ADAMTSL1: variants seen among roughly 807,000 people sequenced by gnomAD.
The protein encoded by ADAMTSL1 is ADAMTS-like protein 1.
In ADAMTSL1, 126 loss-of-function variants were observed where a neutral mutation model predicts 201.8. That is an observed-to-expected ratio of 0.62 (90% CI 0.54 to 0.72). The LOEUF is 0.72. Ranked by LOEUF, ADAMTSL1 falls within the 30% of genes least tolerant of loss-of-function variation. The pLI, the probability that ADAMTSL1 is intolerant of heterozygous loss-of-function variation, is 0.00. For missense variants in ADAMTSL1, 2,679 were observed against 2,277.8 expected, an observed-to-expected ratio of 1.18 and a Z score of -3.59; for synonymous variants, 1,121 against 903.4, an observed-to-expected ratio of 1.24 and a Z score of -4.32.
At chr9:18,061,497 C>A (rs967600715) in intron 1 of ADAMTSL1, among the ~76,000 whole-genome samples, 1 of 152,060 alleles carries the variant, frequency 6.6e-6, no homozygotes, top group Admixed American at 6.6e-5. Context: ...ATGAGATTGC[C>A]CTCATAAACC....
chr9:18,362,525 T>G (rs1266361297), intron 2 of ADAMTSL1, among the ~76,000 whole-genome samples: 1 of 152,212 alleles, frequency 6.6e-6, no homozygotes, highest in Non-Finnish European at 1.5e-5. Flanking sequence ...CCTTGCTTTG[T>G]GTTCTAGTTC....
chr9:18,243,451 C>T (rs902429762), intron 2 of ADAMTSL1, among the ~76,000 whole-genome samples: 5 of 152,042 alleles, frequency 3.3e-5, no homozygotes, highest in Admixed American at 2.0e-4. Flanking sequence ...GGAACAAATC[C>T]GATTATGTTT....
chr9:18,049,358 G>C (rs1003008091), intron 1 of ADAMTSL1, among the ~76,000 whole-genome samples: 2 of 152,172 alleles, frequency 1.3e-5, no homozygotes, highest in African/African-American at 4.8e-5. Flanking sequence ...CAGAATTCTG[G>C]CCAATGAGAT....
chr9:18,679,492 G>GA (rs71333060), intron 10 of ADAMTSL1, among the ~76,000 whole-genome samples: 70 of 149,204 alleles, frequency 4.7e-4, no homozygotes, highest in East Asian at 1.2e-3. Context: ...GTAAAGCTCT[G>GA]AAAAAAAAAA....
chr9:18,444,907 CCTTTT>C (rs1820130217), intron 2 of ADAMTSL1, among the ~76,000 whole-genome samples: 1 of 152,038 alleles, frequency 6.6e-6, no homozygotes, highest in African/African-American at 2.4e-5. Context: ...TGATCCAGGC[CCTTTT>C]CTAAGTATTT....
chr9:18,078,713 G>A (rs150143642), intron 1 of ADAMTSL1, among the ~76,000 whole-genome samples: 1 of 151,998 alleles, frequency 6.6e-6, no homozygotes, highest in East Asian at 1.9e-4. Flanking sequence ...TGTTTCTCTG[G>A]TTACCACTCC....
chr9:18,173,531 T>C (rs1828000012), intron 2 of ADAMTSL1, among the ~76,000 whole-genome samples: 1 of 152,144 alleles, frequency 6.6e-6, no homozygotes, highest in Non-Finnish European at 1.5e-5. Context: ...AAGTTCTAAT[T>C]TCCTTACAGC....
chr9:18,369,241 C>G (rs1836927646), intron 2 of ADAMTSL1, among the ~76,000 whole-genome samples: 1 of 152,186 alleles, frequency 6.6e-6, no homozygotes, highest in Admixed American at 6.5e-5. Context: ...GACCTCACAG[C>G]TCTCTAGTTG....
intron 2 of ADAMTSL1, among the ~76,000 whole-genome samples, chr9:18,252,551 C>A (rs1243022173): frequency 6.6e-6 from 1 of 152,062 alleles, no homozygotes. Flanking sequence ...GCTATGTAAA[C>A]AATTGTTATA....
chr9:18,729,195 C>T (rs565365624), intron 15 of ADAMTSL1, among the ~76,000 whole-genome samples: 1 of 152,146 alleles, frequency 6.6e-6, no homozygotes, highest in African/African-American at 2.4e-5. Flanking sequence ...GGTGTCAGGG[C>T]GTCATGAGTG....
intron 23 of ADAMTSL1, among the ~76,000 whole-genome samples, chr9:18,886,372 C>G (rs2082581): frequency 2.0e-5 from 3 of 151,292 alleles, no homozygotes; most frequent in East Asian, 3.9e-4. Context: ...GGTGACCGAG[C>G]GAGACCCTGT....
intron 4 of ADAMTSL1, among the ~76,000 whole-genome samples, chr9:18,619,362 G>T (rs556075068): frequency 3.2e-4 from 49 of 151,986 alleles, no homozygotes; most frequent in African/African-American, 1.2e-3. Context: ...AAATAATTGA[G>T]TTAGAAGATT....
intron 1 of ADAMTSL1, among the ~76,000 whole-genome samples, chr9:17,952,049 G>A (rs886417462): frequency 3.3e-5 from 5 of 151,406 alleles, no homozygotes; most frequent in Non-Finnish European, 7.4e-5. Context: ...CAATTTTCCC[G>A]CATCAGCCTC....
At chr9:18,183,372 A>T (rs1198356140) in intron 2 of ADAMTSL1, among the ~76,000 whole-genome samples, 6 of 152,234 alleles carry the variant, frequency 3.9e-5, no homozygotes, top group African/African-American at 1.4e-4. Context: ...AATAATTGAT[A>T]ATCAAGACTT....
intron 2 of ADAMTSL1, among the ~76,000 whole-genome samples, chr9:18,275,873 C>T (rs942571964): frequency 6.6e-6 from 1 of 151,988 alleles, no homozygotes; most frequent in Non-Finnish European, 1.5e-5. Flanking sequence ...TGGGTAAATC[C>T]TACCTCAGGG....
chr9:17,953,043 T>C (rs1827791410), intron 1 of ADAMTSL1, among the ~76,000 whole-genome samples: 1 of 151,702 alleles, frequency 6.6e-6, no homozygotes, highest in Admixed American at 6.6e-5. Flanking sequence ...GTTTTTTTTT[T>C]TTGGAATCAC....
chr9:18,125,964 C>G (rs1825712153), intron 1 of ADAMTSL1, among the ~76,000 whole-genome samples: 1 of 152,114 alleles, frequency 6.6e-6, no homozygotes, highest in African/African-American at 2.4e-5. Context: ...TGACCTGGGA[C>G]AAACTATTCA....
intron 1 of ADAMTSL1, among the ~76,000 whole-genome samples, chr9:18,104,476 C>A (rs1173295354): frequency 2.0e-5 from 3 of 152,136 alleles, no homozygotes; most frequent in Non-Finnish European, 4.4e-5. Context: ...TTCCAGTCAC[C>A]ACCAGTGCTG....
intron 2 of ADAMTSL1, among the ~76,000 whole-genome samples, chr9:18,291,747 T>TCACACACACA (rs368988848): frequency 5.0e-5 from 5 of 99,876 alleles, no homozygotes; most frequent in Non-Finnish European, 8.1e-5. Flanking sequence ...TCTCTCTCTC[T>TCACACACACA]CACACACACA....
Sources: allele counts gnomAD v4.1 joint callset (sites outside exome capture counted in the v4.1 genomes callset), GRCh38; gene constraint gnomAD v4.1.1; transcripts MANE v1.5; gene names NCBI Gene and HGNC (gene_info 2026-07-23, HGNC 2026-07-21).